GRIA1: variants seen among roughly 807,000 people sequenced by gnomAD.
GRIA1 encodes glutamate receptor 1.
Under a neutral mutation model 99.2 loss-of-function variants are expected in GRIA1, and 31 were observed. That is an observed-to-expected ratio of 0.31 (90% CI 0.23 to 0.42). GRIA1 has a LOEUF of 0.42. Ranked by LOEUF, GRIA1 falls within the 10% of genes least tolerant of loss-of-function variation. The pLI is 1.00. For synonymous variants in GRIA1, 438 were observed against 432.4 expected (o/e 1.01, Z -0.16); for missense variants, 782 against 1,157.5 (o/e 0.68, Z 4.71).
At chr5:153,610,116 A>G (rs1765851088) in intron 2 of GRIA1, among the ~76,000 whole-genome samples, 1 of 152,194 alleles carries the variant, frequency 6.6e-6, no homozygotes, top group African/African-American at 2.4e-5. Flanking sequence ...GAGCCTTTCA[A>G]TGGAAAACTG....
intron 2 of GRIA1, among the ~76,000 whole-genome samples, chr5:153,549,925 G>A (rs903568863): frequency 5.9e-5 from 9 of 152,204 alleles, no homozygotes; most frequent in South Asian, 4.2e-4. Flanking sequence ...GTAGAGAGGC[G>A]TTACAGTACT....
chr5:153,539,841 T>A, intron 2 of GRIA1, among the ~76,000 whole-genome samples: 1 of 152,154 alleles, frequency 6.6e-6, no homozygotes, highest in South Asian at 2.1e-4. Flanking sequence ...AACTGAAGAG[T>A]AGAACTGAAC....
intron 5 of GRIA1, among the ~76,000 whole-genome samples, chr5:153,668,797 A>G (rs1476202370): frequency 6.6e-6 from 1 of 152,230 alleles, no homozygotes. Context: ...ATATTCGTTC[A>G]AGAAAGACAG....
intron 11 of GRIA1, among the ~76,000 whole-genome samples, chr5:153,738,720 CTT>C (rs55874747): frequency 1.1e-4 from 11 of 102,326 alleles, no homozygotes; most frequent in Non-Finnish European, 9.0e-5. Flanking sequence ...TCCATACCTT[CTT>C]TTTTTTTTTT....
At chr5:153,618,418 T>C (rs1766716000) in intron 2 of GRIA1, among the ~76,000 whole-genome samples, 1 of 152,208 alleles carries the variant, frequency 6.6e-6, no homozygotes, top group African/African-American at 2.4e-5. Flanking sequence ...TATATAAATG[T>C]GTGTTGAGTG....
intron 2 of GRIA1, among the ~76,000 whole-genome samples, chr5:153,510,048 C>T (rs1228457956): frequency 9.9e-5 from 15 of 152,170 alleles, no homozygotes; most frequent in Non-Finnish European, 4.4e-5. Context: ...AATAGAGCCA[C>T]TTTGCTACTT....
chr5:153,596,766 T>G (rs1483127845), intron 2 of GRIA1, among the ~76,000 whole-genome samples: 2 of 152,226 alleles, frequency 1.3e-5, no homozygotes, highest in African/African-American at 2.4e-5. Flanking sequence ...CCTTAGAGAT[T>G]AAAATGGGTT....
intron 2 of GRIA1, among the ~76,000 whole-genome samples, chr5:153,527,924 A>AT (rs1413131859): frequency 6.6e-6 from 1 of 152,308 alleles, no homozygotes; most frequent in East Asian, 1.9e-4. Flanking sequence ...TCCATCATGT[A>AT]TTTCAGATGA....
Position 153,813,823 on chromosome 5 carries a change from C to G in GRIA1, c.*2598C>G, listed in dbSNP as rs538913500. 9 of 152,258 alleles carry G rather than the reference C, an allele frequency of 5.9e-5. No individual in the cohort carries two copies. The highest frequency in any genetic ancestry group is 2.2e-4 in the African/African-American group (9 of 41,564). 9.4% of individuals were successfully genotyped at this position (152,258 alleles called of 1,614,324 possible). A position where few individuals can be genotyped will look rare whatever the true frequency, so the allele number is the denominator to read the frequency against. On this transcript the variant is annotated 3_prime_UTR_variant, in exon 16 of 16. Coordinates refer to ENST00000285900, the MANE Select transcript of GRIA1 (RefSeq NM_000827.4). ...CCAGGTTTTTTTCTTTTGGTATTTG[C>G]ATAAAATGAAAATATCACCGAATAT...
chr5:153,527,855 G>A (rs1175901039), intron 2 of GRIA1, among the ~76,000 whole-genome samples: 1 of 152,190 alleles, frequency 6.6e-6, no homozygotes, highest in Non-Finnish European at 1.5e-5. Flanking sequence ...GTGAGCAATT[G>A]CAAGTGTGGT....
At chr5:153,637,703 C>G (rs1477677714) in intron 2 of GRIA1, among the ~76,000 whole-genome samples, 5 of 152,068 alleles carry the variant, frequency 3.3e-5, no homozygotes, top group African/African-American at 1.2e-4. Flanking sequence ...GAGTGCCAGC[C>G]CAAGAGCACA....
chr5:153,761,813 C>T (rs1763201232), intron 11 of GRIA1, among the ~76,000 whole-genome samples: 3 of 152,164 alleles, frequency 2.0e-5, no homozygotes, highest in Non-Finnish European at 4.4e-5. Context: ...GTGGTATGTA[C>T]TCAATGAAAT....
At chr5:153,690,774 C>G (rs78349040) in intron 8 of GRIA1, among the ~76,000 whole-genome samples, 9 of 152,314 alleles carry the variant, frequency 5.9e-5, no homozygotes, top group Admixed American at 1.3e-4. Flanking sequence ...AACTTACCTT[C>G]CAATGGCCAA....
At chr5:153,774,342 T>C (rs1442874373) in intron 13 of GRIA1, among the ~76,000 whole-genome samples, 2 of 152,080 alleles carry the variant, frequency 1.3e-5, no homozygotes, top group African/African-American at 2.4e-5. Context: ...GATATATGCT[T>C]AAAGATAACC....
At chr5:153,637,885 C>A (rs1446165714) in intron 2 of GRIA1, among the ~76,000 whole-genome samples, 3 of 152,194 alleles carry the variant, frequency 2.0e-5, no homozygotes, top group Non-Finnish European at 4.4e-5. Context: ...CCCTACCTAG[C>A]TCTTTATGAG....
At chr5:153,499,613 CAAAAAAAAAAAAAAA>C (rs70976100) in intron 2 of GRIA1, among the ~76,000 whole-genome samples, 2 of 42,126 alleles carry the variant, frequency 4.7e-5, no homozygotes, top group South Asian at 1.4e-3. Flanking sequence ...GAATTTGTCT[CAAAAAAAAAAAAAAA>C]AAAAAAAAAA....
chr5:153,616,208 T>C (rs988325152), intron 2 of GRIA1, among the ~76,000 whole-genome samples: 1 of 152,194 alleles, frequency 6.6e-6, no homozygotes, highest in Non-Finnish European at 1.5e-5. Flanking sequence ...ATCGTTCAAG[T>C]CCCAGATTCA....
chr5:153,573,251 CTGCCTGG>C (rs1169694413), intron 2 of GRIA1: 1 of 152,142 alleles, frequency 6.6e-6, no homozygotes, highest in Admixed American at 6.6e-5. Context: ...GGCTAGGGGC[CTGCCTGG>C]AGGACATTTA....
At chr5:153,807,047 C>A (rs879126937) in intron 15 of GRIA1, among the ~76,000 whole-genome samples, 2 of 152,348 alleles carry the variant, frequency 1.3e-5, no homozygotes, top group Non-Finnish European at 2.9e-5. Flanking sequence ...CAGTCCCAGC[C>A]ACAGTGCTGC....
Sources: allele counts gnomAD v4.1 joint callset (sites outside exome capture counted in the v4.1 genomes callset), GRCh38; gene constraint gnomAD v4.1.1; transcripts MANE v1.5; gene names NCBI Gene and HGNC (gene_info 2026-07-23, HGNC 2026-07-21).